Variants in GNB1 observed in about 807,000 individuals in gnomAD.
The protein encoded by GNB1 is G protein subunit beta 1, also known as guanine nucleotide-binding protein G(I)/G(S)/G(T) subunit beta-1.
GNB1 carries 2 observed loss-of-function variants against 42.9 expected under a neutral mutation model. The observed-to-expected ratio is 0.05, with a 90% CI of 0.02 to 0.15. GNB1 has a LOEUF of 0.15. Ranked by LOEUF, GNB1 falls within the 10% of genes least tolerant of loss-of-function variation. The pLI, the probability that GNB1 is intolerant of heterozygous loss-of-function variation, is 1.00. For missense variants in GNB1, 193 were observed against 462.2 expected (o/e 0.42, Z 5.34); for synonymous variants, 183 against 174.7 (o/e 1.05, Z -0.38).
At chr1:1,804,016 G>A (rs1199572789) in intron 7 of GNB1, among the ~76,000 whole-genome samples, 1 of 146,398 alleles carries the variant, frequency 6.8e-6, no homozygotes, top group African/African-American at 2.5e-5. Flanking sequence ...AAAAAAGGCT[G>A]GGTGTGGTGG....
intron 7 of GNB1, among the ~76,000 whole-genome samples, chr1:1,795,525 GGAGGCTGAGGTCAGGAGTTT>G (rs1278055212): frequency 1.3e-5 from 2 of 152,132 alleles, no homozygotes; most frequent in Non-Finnish European, 2.9e-5. Flanking sequence ...CAGCACTTGG[GGAGGCTGAGGTCAGGAGTTT>G]GAGACCAGCC....
At chr1:1,830,188 C>G (rs898801067) in intron 2 of GNB1, among the ~76,000 whole-genome samples, 3 of 152,126 alleles carry the variant, frequency 2.0e-5, no homozygotes, top group African/African-American at 2.4e-5. Context: ...ACAAAGTTAA[C>G]AGAGGCTAAT....
At chr1:1,867,320 G>A (rs1648998642) in intron 1 of GNB1, among the ~76,000 whole-genome samples, 1 of 152,190 alleles carries the variant, frequency 6.6e-6, no homozygotes. Flanking sequence ...GCGGCCCACA[G>A]GCCTCAGGTT....
At chr1:1,857,754 T>G (rs756794566) in intron 1 of GNB1, among the ~76,000 whole-genome samples, 11 of 152,222 alleles carry the variant, frequency 7.2e-5, no homozygotes, top group Non-Finnish European at 1.3e-4. Context: ...ACACTTTATA[T>G]AGACTACATT....
chr1:1,845,299 T>C lies in GNB1; in HGVS notation c.-95-6061A>G, dbSNP rs61774993. Among the ~76,000 whole-genome samples, 443 of 152,224 alleles carry C rather than the reference T, an allele frequency of 2.9e-3. 2 individuals carry two copies. Among genetic ancestry groups the C allele is most frequent in the Non-Finnish European group, 4.9e-3 (334 of 68,016 alleles). ...ATAATAATGCTTAAAGTAGGCCGGG[T>C]GCGGTGGCTCACGCCTGTAATCCCA... On this transcript the variant is annotated intron_variant, in intron 1 of 11. Coordinates refer to ENST00000378609, the MANE Select transcript of GNB1 (RefSeq NM_002074.5).
Position 1,787,905 on chromosome 1 carries a change from C to G in GNB1, c.917-468G>C, listed in dbSNP as rs965280545. On this transcript the variant is annotated intron_variant, in intron 10 of 11. Coordinates refer to ENST00000378609, the MANE Select transcript of GNB1 (RefSeq NM_002074.5). The surrounding 1 kb of genome is among the most constrained non-coding windows in gnomAD (Gnocchi z 4.4). ...ACCAGCAGGGCGTGGTGGTGCGGGC[C>G]GTAGTCCCAGCTACTCAGGAGGCTA... 6.6e-6 allele frequency: 1 copy of G among 152,228 alleles called. No homozygotes were observed. Among genetic ancestry groups the G allele is most frequent in the Non-Finnish European group, 1.5e-5 (1 of 68,288 alleles). The allele number at this position is 152,228 out of a possible 1,614,324, so 9.4% of individuals were successfully genotyped here.
At chr1:1,807,131 T>G (rs1646705794) in intron 5 of GNB1, among the ~76,000 whole-genome samples, 1 of 152,098 alleles carries the variant, frequency 6.6e-6, no homozygotes, top group African/African-American at 2.4e-5. Context: ...CTTTGTCAGC[T>G]GAGACAGGCT....
intron 2 of GNB1, among the ~76,000 whole-genome samples, chr1:1,833,385 A>G (rs1376012037): frequency 6.6e-6 from 1 of 152,084 alleles, no homozygotes; most frequent in African/African-American, 2.4e-5. Flanking sequence ...TCAAAGGGCA[A>G]CGGAAAAAGT....
chr1:1,879,220 C>T (rs572665938), intron 1 of GNB1, among the ~76,000 whole-genome samples: 6 of 152,314 alleles, frequency 3.9e-5, no homozygotes, highest in African/African-American at 1.4e-4. Context: ...TCTAAACCAG[C>T]GCTGCTCAGA....
chr1:1,801,283 C>T (rs957689216), intron 7 of GNB1, among the ~76,000 whole-genome samples: 4 of 152,232 alleles, frequency 2.6e-5, no homozygotes, highest in African/African-American at 4.8e-5. Context: ...TTGCCTCGGC[C>T]TCCCAAAGTG....
chr1:1,800,125 T>A (rs1317411490), intron 7 of GNB1, among the ~76,000 whole-genome samples: 1 of 152,184 alleles, frequency 6.6e-6, no homozygotes, highest in Admixed American at 6.6e-5. Flanking sequence ...ATGTCCAGAA[T>A]ACAATTTGAA....
At chr1:1,857,304 G>A (rs111888051) in intron 1 of GNB1, among the ~76,000 whole-genome samples, 144 of 145,514 alleles carry the variant, frequency 9.9e-4, no homozygotes, top group African/African-American at 3.2e-3. Context: ...GATGGCTCTT[G>A]GGGCTGGCTG....
At position 1,821,700 on chromosome 1, in the gene GNB1, C is replaced by T. The variant is rs114264514; in HGVS notation, c.57+3697G>A. 8.3e-3 allele frequency among the ~76,000 whole-genome samples: 1,260 copies of T among 152,338 alleles called. 22 individuals carry two copies. Among genetic ancestry groups the T allele is most frequent in the African/African-American group, 0.029 (1,210 of 41,556 alleles). ...GGCGCCTCTCCTAGTGAACGTCCCACCGCGGGGGCCATGACCTGCCTGTGG... is the reference window on the plus strand; with the variant it reads ...GGCGCCTCTCCTAGTGAACGTCCCATCGCGGGGGCCATGACCTGCCTGTGG... On this transcript the variant is annotated intron_variant, in intron 3 of 11. Coordinates refer to ENST00000378609, the MANE Select transcript of GNB1 (RefSeq NM_002074.5).
intron 5 of GNB1, among the ~76,000 whole-genome samples, chr1:1,814,207 G>C (rs2100834523): frequency 6.6e-6 from 1 of 152,210 alleles, no homozygotes; most frequent in East Asian, 1.9e-4. Context: ...AGAATCTTTT[G>C]TTCTCTAGCT....
chr1:1,884,546 G>A (rs534235596), intron 1 of GNB1, among the ~76,000 whole-genome samples: 42 of 151,994 alleles, frequency 2.8e-4, no homozygotes, highest in African/African-American at 9.4e-4. Flanking sequence ...TACAACACTC[G>A]GCAGAAGTTG....
intron 2 of GNB1, among the ~76,000 whole-genome samples, chr1:1,837,344 T>C (rs1647165991): frequency 6.7e-6 from 1 of 150,316 alleles, no homozygotes; most frequent in Non-Finnish European, 1.5e-5. Flanking sequence ...AAGCTCCGCC[T>C]CCTGGGTTCA....
intron 1 of GNB1, among the ~76,000 whole-genome samples, chr1:1,867,952 C>G (rs1649034585): frequency 6.6e-6 from 1 of 152,112 alleles, no homozygotes; most frequent in Admixed American, 6.6e-5. Context: ...TTCCACTTAC[C>G]TATAATACTT....
chr1:1,828,874 TACACACACACATACACACATAC>T (rs1647035146), intron 2 of GNB1, among the ~76,000 whole-genome samples: 2 of 146,126 alleles, frequency 1.4e-5, no homozygotes, highest in South Asian at 4.4e-4. Context: ...AAACGCTGTG[TACACACACACATACACACATAC>T]ACACACACAC....
At chr1:1,788,007 C>A (rs569798784) in intron 10 of GNB1, 4 of 146,130 alleles carry the variant, frequency 2.7e-5, no homozygotes, top group Non-Finnish European at 5.9e-5. Context: ...CCAGCCTGGG[C>A]GACAGAGCGA....
Sources: gnomAD v4.1 joint callset for allele counts (sites outside exome capture counted in the v4.1 genomes callset) on GRCh38, gnomAD v4.1.1 for gene constraint, Gnocchi (gnomAD v3.1) non-coding constraint, MANE v1.5 for transcripts, NCBI Gene and HGNC (gene_info 2026-07-23, HGNC 2026-07-21) for gene names.